NKIRAS2: variants seen among roughly 807,000 people sequenced by gnomAD.
NKIRAS2 encodes the protein NF-kappa-B inhibitor-interacting Ras-like protein 2.
NKIRAS2 carries 15 observed loss-of-function variants against 20.7 expected under a neutral mutation model. The observed-to-expected ratio is 0.73, with a 90% confidence interval of 0.49 to 1.12. The LOEUF (loss-of-function observed/expected upper bound fraction) is 1.12, where lower values mean the gene tolerates loss of function less well. Ranked by LOEUF, NKIRAS2 falls within the 50% of genes most tolerant of loss-of-function variation. The pLI, the probability that NKIRAS2 is intolerant of heterozygous loss-of-function variation, is 0.00. For synonymous variants in NKIRAS2, 116 were observed against 101.4 expected (o/e 1.14, Z -0.87); for missense variants, 196 against 249.6 (o/e 0.79, Z 1.45).
At position 42,021,689 on chromosome 17, in the gene NKIRAS2, G is replaced by A; in HGVS notation, c.94+18G>A. The A allele has an allele frequency of 6.2e-7, 1 of 1,603,824 alleles. No individual in the cohort carries two copies. The highest frequency in any genetic ancestry group is 8.5e-7 in the Non-Finnish European group (1 of 1,170,636). On this transcript the variant is annotated intron_variant, in intron 2 of 3. Transcript: ENST00000393885. The stretch of plus-strand genomic sequence containing the variant: ...TGTAGTGGGTGAGTGTTGTTGGAGG[G>A]GGAGGAACAGTGGAAGAAGTTGAAA...
At chr17:42,017,619 C>T (rs2052342863), upstream of NKIRAS2, 2 of 638,124 alleles carry the variant, frequency 3.1e-6, no homozygotes, top group African/African-American at 1.9e-5. Flanking sequence ...AGCCCAGGGG[C>T]TGTGCCGGTG....
chr17:42,021,991 C>T (rs2052463479), intron 2 of NKIRAS2: 17 of 576,466 alleles, frequency 2.9e-5, no homozygotes, highest in East Asian at 1.7e-4. Flanking sequence ...GGGTGGATCA[C>T]CTCAGGTCGG....
chr17:42,024,012 G>T lies in NKIRAS2; in HGVS notation c.*119G>T. ...TTCCCAGTCAGCCAGGGAGCTCCCC[G>T]CCAGGCCACGCCCCAGCCACTTTGC... is the stretch of plus-strand genomic sequence containing the variant. On this transcript the variant is annotated 3_prime_UTR_variant, in exon 4 of 4. Coordinates refer to ENST00000393885, the MANE Select transcript of NKIRAS2 (RefSeq NM_017595.6). 6.9e-7 allele frequency: 1 copy of T among 1,445,434 alleles called. No homozygotes were observed. Among genetic ancestry groups the T allele is most frequent in the South Asian group, 1.4e-5 (1 of 71,784 alleles). 89.5% of individuals were successfully genotyped at this position (1,445,434 alleles called of 1,614,324 possible). A position where few individuals can be genotyped will look rare whatever the true frequency, so the allele number is the denominator to read the frequency against.
rs2052517777 is a variant in NKIRAS2, at chr17:42,023,881, C to T, written c.564C>T (p.Ser188=). Residue 188 remains serine, a synonymous_variant, in exon 4 of 4, where the codon TCC becomes TCT. Transcript: ENST00000393885. ...GCCGGAAGAACAAGGGCAGCGGCTC[C>T]TTGGATGGCTGAAGAGCTGCCGTTC... The part of the protein sequence containing the change: ...PLSRKNKGSG[S]LDG 6.2e-7 allele frequency: 1 copy of T among 1,613,974 alleles called. No individual in the cohort carries two copies. The highest frequency in any genetic ancestry group is 8.5e-7 in the Non-Finnish European group (1 of 1,179,986).
In NKIRAS2 at chr17:42,020,209, G is replaced by C. The variant is rs1221359020; in HGVS notation, c.-15+5G>C. ...GTGCTGCGGGGGCCCCGGGAGGTAC[G>C]GACCTGGGAGGCGAGGCTCGTCCGG... is the stretch of plus-strand genomic sequence containing the variant. On this transcript the variant is annotated splice_donor_5th_base_variant and intron_variant, in intron 1 of 3. Coordinates refer to ENST00000393885, the MANE Select transcript of NKIRAS2 (RefSeq NM_017595.6). 2.0e-5 allele frequency: 3 copies of C among 152,320 alleles called. No homozygotes were observed. The highest frequency in any genetic ancestry group is 4.4e-5 in the Non-Finnish European group (3 of 68,080). 9.4% of individuals were successfully genotyped at this position (152,320 alleles called of 1,614,324 possible).
Position 42,022,471 on chromosome 17 carries a change from A to T in NKIRAS2, c.167A>T (p.Gln56Leu). ...GAGACAGACCGGGGGGTGCGAGAGCAGGTGCGTTTCTATGACACCCGGGGG... is the reference window on the plus strand; with the variant it reads ...GAGACAGACCGGGGGGTGCGAGAGCTGGTGCGTTTCTATGACACCCGGGGG... ...SIETDRGVRE[Q>L]VRFYDTRGLR... Residue 56 changes from glutamine to leucine, a missense_variant, in exon 3 of 4, where the codon CAG (glutamine) becomes CTG (leucine). By Grantham distance (113) the Gln-to-Leu change is moderately radical. Coordinates refer to ENST00000393885, the MANE Select transcript of NKIRAS2 (RefSeq NM_017595.6). The T allele has an allele frequency of 6.2e-7, 1 of 1,613,298 alleles. No individual in the cohort carries two copies. Among genetic ancestry groups the T allele is most frequent in the Non-Finnish European group, 8.5e-7 (1 of 1,179,314 alleles).
rs147680769 is a variant in NKIRAS2, at chr17:42,022,643, G to A, written c.336+3G>A. 5,953 of 1,610,238 alleles carry A rather than the reference G, an allele frequency of 3.7e-3. 231 individuals are homozygous for A. The South Asian group carries it at 0.061, about 17-fold the overall frequency. On this transcript the variant is annotated splice_donor_region_variant and intron_variant, in intron 3 of 3. Transcript: ENST00000393885. Reference sequence around the variant, plus strand: ...ACAAATCCAAGGACAAGAAGGAGGTGTGTGGCATAGGCTTCTGGTGGGAGC... The same window carrying A: ...ACAAATCCAAGGACAAGAAGGAGGTATGTGGCATAGGCTTCTGGTGGGAGC...
chr17:42,018,451 G>A (rs1555652404), upstream of NKIRAS2: 1 of 152,212 alleles, frequency 6.6e-6, no homozygotes, highest in African/African-American at 2.4e-5. Context: ...TTTGTTCCAG[G>A]AAAACAGCAT....
rs782160201 is a variant in NKIRAS2, at chr17:42,023,830, C to T, written c.513C>T (p.Pro171=). The change falls in exon 4 of 4, where the codon CCC becomes CCT. Residue 171 remains proline, a synonymous_variant. Transcript: ENST00000393885. ...ACTTGGCCAGCAAGATGACGCAACC[C>T]CAGAGCAAGTCTGCCTTCCCCCTCA... ...FVYLASKMTQ[P]QSKSAFPLSR... is the part of the protein sequence containing the mutation. 2 of 1,614,046 alleles carry T rather than the reference C, an allele frequency of 1.2e-6. No individual in the cohort carries two copies. The highest frequency in any genetic ancestry group is 1.7e-6 in the Non-Finnish European group (2 of 1,180,042).
chr17:42,021,702 G>A (rs988453884), intron 2 of NKIRAS2, 31 bp downstream of exon 2: 19 of 1,584,266 alleles, frequency 1.2e-5, no homozygotes, highest in Non-Finnish European at 1.6e-5. Context: ...AGGAACAGTG[G>A]AAGAAGTTGA....
chr17:42,021,304 G>A (rs1462032760), intron 1 of NKIRAS2: 2 of 395,000 alleles, frequency 5.1e-6, no homozygotes, highest in Admixed American at 3.7e-5. Context: ...TAACAAAGAC[G>A]AATAAAATAA....
chr17:42,022,691 C>T (rs782801435), intron 3 of NKIRAS2, 51 bp downstream of exon 3: 45 of 1,570,194 alleles, frequency 2.9e-5, no homozygotes, highest in Middle Eastern at 1.9e-4. Flanking sequence ...AGAGTTTGGG[C>T]GGAGGGCTGG....
At chr17:42,022,100 T>C (rs2052466762) in intron 2 of NKIRAS2, 1 of 435,306 alleles carries the variant, frequency 2.3e-6, no homozygotes, top group South Asian at 2.0e-5. Context: ...TCCCAGCTAT[T>C]CGGGAGGCCG....
At chr17:42,023,336 C>G (rs1207590090) in intron 3 of NKIRAS2, among the ~76,000 whole-genome samples, 5 of 152,250 alleles carry the variant, frequency 3.3e-5, no homozygotes, top group African/African-American at 1.2e-4. Context: ...CCACAGTAAG[C>G]TGCAGGGTTC....
chr17:42,023,958 T>C lies in NKIRAS2; in HGVS notation c.*65T>C. 6.3e-7 allele frequency: 1 copy of C among 1,582,106 alleles called. No individual in the cohort carries two copies. The highest frequency in any genetic ancestry group is 1.7e-5 in the Admixed American group (1 of 57,360). On this transcript the variant is annotated 3_prime_UTR_variant, in exon 4 of 4. Transcript: ENST00000393885. ...AGTGTCTGGGGCTCTGGTAGATGTGTTGAGGGCAAAGTAGAGGACAAGCTG... is the reference window on the plus strand; with the variant it reads ...AGTGTCTGGGGCTCTGGTAGATGTGCTGAGGGCAAAGTAGAGGACAAGCTG...
At chr17:42,020,321 C>G (rs1169638148) in intron 1 of NKIRAS2, 117 bp downstream of exon 1, 1 of 152,394 alleles carries the variant, frequency 6.6e-6, no homozygotes, top group Non-Finnish European at 1.5e-5. Context: ...GTGAGAAAAT[C>G]TGTGGCGGAG....
At chr17:42,017,674 C>T, upstream of NKIRAS2, 1 of 578,286 alleles carries the variant, frequency 1.7e-6, no homozygotes, top group Non-Finnish European at 3.1e-6. Context: ...GCGGGGTGTA[C>T]CGGTGGTAGC....
At chr17:42,022,037 C>A in intron 2 of NKIRAS2, 2 of 474,506 alleles carry the variant, frequency 4.2e-6, no homozygotes, top group East Asian at 5.2e-5. Flanking sequence ...TGGAGAAACC[C>A]TGTCTCTACT....
upstream of NKIRAS2, among the ~76,000 whole-genome samples, chr17:42,019,399 C>G (rs1342764840): frequency 6.6e-6 from 1 of 152,238 alleles, no homozygotes; most frequent in African/African-American, 2.4e-5. Flanking sequence ...TGACCTTCCT[C>G]AGGGACTGAT....
Sources: gnomAD v4.1 joint callset for allele counts (sites outside exome capture counted in the v4.1 genomes callset) on GRCh38, gnomAD v4.1.1 for gene constraint, MANE v1.5 for transcripts, NCBI Gene and HGNC (gene_info 2026-07-23, HGNC 2026-07-21) for gene names.